Variants in OPRM1 observed in about 807,000 individuals in gnomAD.
OPRM1 encodes the protein mu-type opioid receptor.
In OPRM1, 27 loss-of-function variants were observed where a neutral mutation model predicts 31.8. The ratio of observed to expected loss-of-function variants is 0.85; its 90% CI spans 0.63 to 1.17. The LOEUF (loss-of-function observed/expected upper bound fraction) is 1.17. Ranked by LOEUF, OPRM1 falls within the 50% of genes most tolerant of loss-of-function variation. The probability of loss-of-function intolerance (pLI) is 0.00; values close to 1 mark genes in which losing one functional copy is unlikely to be tolerated. For synonymous variants in OPRM1, 196 were observed against 189.9 expected (o/e 1.03, Z -0.26); for missense variants, 536 against 511.1 (o/e 1.05, Z -0.47).
rs928764548 is a variant in OPRM1 at position 154,130,019 on chromosome 6, C to T, written c.*11298C>T. On this transcript the variant is annotated 3_prime_UTR_variant, in exon 4 of 4. Coordinates refer to ENST00000330432, the MANE Select transcript of OPRM1 (RefSeq NM_000914.5). ...CCAGCATCAATAATTTACTTGCACTCTTGTTATTTACATTTGTACTCTGGA... is the reference window on the plus strand; with the variant it reads ...CCAGCATCAATAATTTACTTGCACTTTTGTTATTTACATTTGTACTCTGGA... Among the ~76,000 whole-genome samples, 1 of 152,034 alleles carries T rather than the reference C, an allele frequency of 6.6e-6. No homozygotes were observed. Among genetic ancestry groups the T allele is most frequent in the Non-Finnish European group, 1.5e-5 (1 of 68,008 alleles).
At chr6:154,222,705 A>G (rs1778962507) in intron 3 of OPRM1, among the ~76,000 whole-genome samples, 1 of 152,222 alleles carries the variant, frequency 6.6e-6, no homozygotes, top group Admixed American at 6.5e-5. Context: ...CAATTAGATC[A>G]GAGTGTAATC....
chr6:154,105,432 C>A (rs1341039325), intron 3 of OPRM1, among the ~76,000 whole-genome samples: 1 of 152,206 alleles, frequency 6.6e-6, no homozygotes, highest in African/African-American at 2.4e-5. Context: ...TCCATGTCTT[C>A]ATGAGTTCTG....
intron 1 of OPRM1, among the ~76,000 whole-genome samples, chr6:154,018,248 C>G (rs1253536047): frequency 6.6e-6 from 1 of 151,950 alleles, no homozygotes; most frequent in Non-Finnish European, 1.5e-5. Context: ...GTGAAACTCT[C>G]TCTCTTCTAA....
chr6:154,075,582 G>C lies in OPRM1; in HGVS notation c.291-14244G>C, dbSNP rs554895929. 7.9e-5 allele frequency among the ~76,000 whole-genome samples: 12 copies of C among 152,122 alleles called. No homozygotes were observed. In the East Asian group the frequency reaches 1.9e-3, roughly 24 times the overall value. Reference sequence around the variant, plus strand: ...TTCTCCTGCCTCAGCCTCCCGAAGAGCTGGGATTATGAGTGCAGGCCACCA... The same window carrying C: ...TTCTCCTGCCTCAGCCTCCCGAAGACCTGGGATTATGAGTGCAGGCCACCA... On this transcript the variant is annotated intron_variant, in intron 1 of 3. Transcript: ENST00000330432.
chr6:154,101,220 C>A (rs890159604), intron 3 of OPRM1, among the ~76,000 whole-genome samples: 17 of 152,094 alleles, frequency 1.1e-4, no homozygotes, highest in African/African-American at 4.1e-4. Context: ...TAACTCATTT[C>A]ATAATTTGTC....
At chr6:154,026,034 G>A (rs530282934) in intron 1 of OPRM1, among the ~76,000 whole-genome samples, 1 of 152,016 alleles carries the variant, frequency 6.6e-6, no homozygotes, top group Non-Finnish European at 1.5e-5. Context: ...TCACCAGTGA[G>A]TTTTGTACCT....
rs1797915426 is a variant in OPRM1, at chr6:154,131,900, G to GT, written c.*13183dup. Among the ~76,000 whole-genome samples, 1 of 147,464 alleles carries GT rather than the reference G, an allele frequency of 6.8e-6. No homozygotes were observed. Among genetic ancestry groups the GT allele is most frequent in the South Asian group, 2.1e-4 (1 of 4,712 alleles). On this transcript the variant is annotated 3_prime_UTR_variant, in exon 4 of 4. Transcript: ENST00000330432. ...ATGTTAAAAAAAAACACACAACATT[G>GT]TTTTCCTTTTGATGGTCTGGGAGTT...
intron 1 of OPRM1, among the ~76,000 whole-genome samples, chr6:154,014,427 A>G (rs370901279): frequency 6.6e-6 from 1 of 152,196 alleles, no homozygotes; most frequent in East Asian, 1.9e-4. Context: ...GGTTGTCATT[A>G]AAAAAGTGAA....
chr6:154,120,646 T>C lies in OPRM1; in HGVS notation c.*1925T>C, dbSNP rs1332415547. 6.6e-6 allele frequency among the ~76,000 whole-genome samples: 1 copy of C among 152,190 alleles called. No individual in the cohort carries two copies. Among genetic ancestry groups the C allele is most frequent in the African/African-American group, 2.4e-5 (1 of 41,446 alleles). ...ATAATTCAAACAGAACACAATGTAA[T>C]ATTTGTATGTAAATAACTGAGGAGG... On this transcript the variant is annotated 3_prime_UTR_variant, in exon 4 of 4. Transcript: ENST00000330432.
chr6:154,246,859 T>C, exon 4 of OPRM1: 5 of 1,365,968 alleles, frequency 3.7e-6, no homozygotes, highest in Non-Finnish European at 4.8e-6. Context: ...CAACTTTTAA[T>C]TGTTAACCCC....
At chr6:154,199,382 G>A (rs2295677) in intron 3 of OPRM1, among the ~76,000 whole-genome samples, 12,052 of 152,242 alleles carry the variant, frequency 0.079, 975 homozygotes, top group East Asian at 0.42. Flanking sequence ...AAAGAGGCAA[G>A]TTTTTTCTCC....
At position 154,011,565 on chromosome 6, in the gene OPRM1, C is replaced by T. The variant is rs75336143; in HGVS notation, c.-1+547C>T. On this transcript the variant is annotated intron_variant, in intron 1 of 5. Transcript: ENST00000434900. ...AATGCTCATACAAAGAATTTAAGCCCAAGTAATTTTAGTTGAAAAAATACA... is the reference window on the plus strand; with the variant it reads ...AATGCTCATACAAAGAATTTAAGCCTAAGTAATTTTAGTTGAAAAAATACA... Among the ~76,000 whole-genome samples the T allele has an allele frequency of 3.3e-3, 499 of 152,076 alleles. 2 individuals carry two copies. Among genetic ancestry groups the T allele is most frequent in the African/African-American group, 0.012 (485 of 41,510 alleles).
At chr6:154,157,828 G>T (rs1424821602) in intron 3 of OPRM1, 1 of 152,214 alleles carries the variant, frequency 6.6e-6, no homozygotes, top group African/African-American at 2.4e-5. Flanking sequence ...ATCACAGAAA[G>T]AATCAGTAAT....
At chr6:154,082,604 T>C (rs1480377500) in intron 1 of OPRM1, among the ~76,000 whole-genome samples, 1 of 152,204 alleles carries the variant, frequency 6.6e-6, no homozygotes, top group African/African-American at 2.4e-5. Flanking sequence ...ATACTATGAT[T>C]TGAAGTCGCT....
At chr6:154,107,194 G>C (rs1000616891) in intron 3 of OPRM1, among the ~76,000 whole-genome samples, 1 of 152,066 alleles carries the variant, frequency 6.6e-6, no homozygotes, top group Non-Finnish European at 1.5e-5. Context: ...GACAGGAAAG[G>C]GGTCTCTGGT....
intron 3 of OPRM1, among the ~76,000 whole-genome samples, chr6:154,143,479 C>CA (rs1798274414): frequency 6.6e-6 from 1 of 152,186 alleles, no homozygotes; most frequent in Non-Finnish European, 1.5e-5. Context: ...GAAAGATAGA[C>CA]AGGAAGCAAA....
At chr6:154,011,081 G>A (rs1438442213) in intron 1 of OPRM1, 1 of 1,268,908 alleles carries the variant, frequency 7.9e-7, no homozygotes, top group African/African-American at 1.5e-5. Context: ...TGGAAGAGGA[G>A]GAGTAAGGGC....
At position 154,039,775 on chromosome 6, in the gene OPRM1, C is replaced by A; in HGVS notation, c.231C>A (p.Tyr77Ter). 6.2e-7 allele frequency: 1 copy of A among 1,603,340 alleles called. No homozygotes were observed. Among genetic ancestry groups the A allele is most frequent in the South Asian group, 1.1e-5 (1 of 90,978 alleles). Reference sequence around the variant, plus strand: ...CGGCCATCACGATCATGGCCCTCTACTCCATCGTGTGCGTGGTGGGGCTCT... The same window carrying A: ...CGGCCATCACGATCATGGCCCTCTAATCCATCGTGTGCGTGGTGGGGCTCT... Reference protein sequence around the residue: ...MITAITIMALYSIVCVVGLFG... With the variant: ...MITAITIMAL The change falls in exon 1 of 4, where the codon TAC becomes TAA. Residue 77 changes from tyrosine to a stop codon, truncating the protein, a stop_gained. Coordinates refer to ENST00000330432, the MANE Select transcript of OPRM1 (RefSeq NM_000914.5). LOFTEE classifies it high-confidence loss of function.
At chr6:154,049,449 C>G (rs543521831) in intron 1 of OPRM1, among the ~76,000 whole-genome samples, 2 of 152,248 alleles carry the variant, frequency 1.3e-5, no homozygotes, top group South Asian at 2.1e-4. Flanking sequence ...TTTTGCTGCT[C>G]TATACATGTC....
Sources: allele counts gnomAD v4.1 joint callset (sites outside exome capture counted in the v4.1 genomes callset), GRCh38; gene constraint gnomAD v4.1.1; transcripts MANE v1.5; gene names NCBI Gene and HGNC (gene_info 2026-07-23, HGNC 2026-07-21).